HHLA2: variants seen among roughly 807,000 people sequenced by gnomAD.
HHLA2 encodes HERV-H LTR-associating protein 2.
HHLA2 carries 48 observed loss-of-function variants against 45.9 expected under a neutral mutation model. That is an observed-to-expected ratio of 1.05 (90% confidence interval 0.83 to 1.33). HHLA2 has a LOEUF of 1.33. HHLA2 is among the 40% of genes most tolerant of loss of function. HHLA2 has a pLI of 0.00. For missense variants in HHLA2, 462 were observed against 494.3 expected (o/e 0.93, Z 0.62); for synonymous variants, 161 against 173.9 (o/e 0.93, Z 0.59).
exon 10 of HHLA2, chr3:108,376,536 C>A (rs766170386): frequency 1.2e-6 from 2 of 1,612,076 alleles, no homozygotes; most frequent in African/African-American, 1.3e-5. Flanking sequence ...CCAGTGCACC[C>A]GATAATGGCG....
exon 3 of HHLA2, chr3:108,328,277 G>A (rs776966009): frequency 2.1e-5 from 32 of 1,491,472 alleles, no homozygotes; most frequent in Non-Finnish European, 2.8e-5. Context: ...CAGCATGTAG[G>A]AGAATACTAA....
intron 1 of HHLA2, among the ~76,000 whole-genome samples, chr3:108,297,684 TA>T (rs1287799532): frequency 6.6e-6 from 1 of 152,206 alleles, no homozygotes; most frequent in Non-Finnish European, 1.5e-5. Context: ...TGGTGGCTCT[TA>T]AATAAATCCA....
chr3:108,371,042 G>A (rs190566455), intron 8 of HHLA2, among the ~76,000 whole-genome samples: 1 of 152,128 alleles, frequency 6.6e-6, no homozygotes, highest in Non-Finnish European at 1.5e-5. Flanking sequence ...CACCAAAGTT[G>A]AAATGAAGGA....
chr3:108,374,609 C>T (rs1158728192), intron 8 of HHLA2, among the ~76,000 whole-genome samples: 4 of 151,890 alleles, frequency 2.6e-5, no homozygotes, highest in East Asian at 1.9e-4. Context: ...CCAGAATCTA[C>T]AATGAACTCA....
At chr3:108,362,776 T>A (rs958215680) in intron 8 of HHLA2, among the ~76,000 whole-genome samples, 1 of 152,188 alleles carries the variant, frequency 6.6e-6, no homozygotes, top group African/African-American at 2.4e-5. Context: ...CTTTACTTTT[T>A]AAAATTTTAA....
chr3:108,313,786 CTT>C (rs1280986169), intron 2 of HHLA2, among the ~76,000 whole-genome samples: 3 of 152,298 alleles, frequency 2.0e-5, no homozygotes, highest in African/African-American at 4.8e-5. Context: ...AGGTCTGACT[CTT>C]TGCCACATAG....
chr3:108,320,099 T>C (rs1387394912), intron 2 of HHLA2, among the ~76,000 whole-genome samples: 1 of 152,230 alleles, frequency 6.6e-6, no homozygotes, highest in African/African-American at 2.4e-5. Flanking sequence ...GTTTTCACTG[T>C]TTCTGATTTA....
intron 3 of HHLA2, among the ~76,000 whole-genome samples, chr3:108,331,240 C>T (rs1197378694): frequency 6.6e-6 from 1 of 152,152 alleles, no homozygotes; most frequent in African/African-American, 2.4e-5. Context: ...GATATATTGA[C>T]TCAATCTCTA....
intron 1 of HHLA2, among the ~76,000 whole-genome samples, chr3:108,297,065 G>A (rs2080772896): frequency 6.6e-6 from 1 of 152,298 alleles, no homozygotes. Context: ...CAGAAGAATC[G>A]TGATCTTTGA....
intron 1 of HHLA2, among the ~76,000 whole-genome samples, chr3:108,303,704 C>T (rs1365756072): frequency 1.3e-5 from 2 of 152,108 alleles, no homozygotes; most frequent in African/African-American, 2.4e-5. Context: ...TCCTGTACCC[C>T]ACCTATTTTG....
chr3:108,355,129 G>A (rs374433341), exon 6 of HHLA2: 38 of 1,612,312 alleles, frequency 2.4e-5, no homozygotes, highest in South Asian at 8.8e-5. Context: ...TCTCACACCC[G>A]TGATGAAGTA....
intron 1 of HHLA2, among the ~76,000 whole-genome samples, chr3:108,304,595 T>C (rs1168366795): frequency 6.6e-6 from 1 of 152,146 alleles, no homozygotes; most frequent in Non-Finnish European, 1.5e-5. Flanking sequence ...AGGTTCTAGG[T>C]GGATGTGAAA....
intron 2 of HHLA2, among the ~76,000 whole-genome samples, chr3:108,316,091 A>C (rs940373976): frequency 6.6e-6 from 1 of 152,152 alleles, no homozygotes; most frequent in Non-Finnish European, 1.5e-5. Context: ...CAGTAAAAAA[A>C]AAAAAAATGA....
chr3:108,319,212 CT>C (rs35932503), intron 2 of HHLA2, among the ~76,000 whole-genome samples: 1,894 of 147,406 alleles, frequency 0.013, 27 homozygotes, highest in African/African-American at 0.041. Flanking sequence ...TAGTAAAATA[CT>C]TTTTTTTTTT....
intron 2 of HHLA2, among the ~76,000 whole-genome samples, chr3:108,313,296 C>T (rs991016043): frequency 3.3e-5 from 5 of 151,998 alleles, no homozygotes; most frequent in African/African-American, 9.7e-5. Flanking sequence ...GATTGTGATT[C>T]GGGGGAGTGA....
intron 1 of HHLA2, among the ~76,000 whole-genome samples, chr3:108,304,155 G>A (rs955523253): frequency 2.6e-5 from 4 of 152,060 alleles, no homozygotes; most frequent in African/African-American, 9.7e-5. Context: ...TCATGTCAAC[G>A]CCATTGTTTA....
At chr3:108,308,978 T>C (rs908395422) in intron 1 of HHLA2, among the ~76,000 whole-genome samples, 12 of 152,230 alleles carry the variant, frequency 7.9e-5, no homozygotes, top group African/African-American at 2.9e-4. Flanking sequence ...ACTTTGTTGA[T>C]TGTTTCCTTT....
At chr3:108,347,199 C>T (rs2081677258) in intron 3 of HHLA2, among the ~76,000 whole-genome samples, 1 of 152,180 alleles carries the variant, frequency 6.6e-6, no homozygotes. Flanking sequence ...TTAACTGCCT[C>T]ACTTAGCTGA....
At chr3:108,347,627 A>C (rs1381054089) in intron 3 of HHLA2, among the ~76,000 whole-genome samples, 3 of 152,182 alleles carry the variant, frequency 2.0e-5, no homozygotes, top group Non-Finnish European at 4.4e-5. Context: ...CTGTATTGAC[A>C]GTGGATTGGA....
Sources: gnomAD v4.1 joint callset for allele counts (sites outside exome capture counted in the v4.1 genomes callset) on GRCh38, gnomAD v4.1.1 for gene constraint, MANE v1.5 for transcripts, NCBI Gene and HGNC (gene_info 2026-07-23, HGNC 2026-07-21) for gene names.